Variants in UBE2F observed in about 807,000 individuals in gnomAD.
UBE2F encodes ubiquitin conjugating enzyme E2 F (putative), also known as NEDD8-conjugating enzyme UBE2F.
Under a neutral mutation model 29.6 loss-of-function variants are expected in UBE2F, and 5 were observed. That is an observed-to-expected ratio of 0.17 (90% CI 0.09 to 0.36). The LOEUF is 0.36. Among genes scored for constraint, UBE2F ranks in the 10% least tolerant of loss-of-function variants. The probability of loss-of-function intolerance (pLI) is 1.00; values close to 1 mark genes in which losing one functional copy is unlikely to be tolerated. For synonymous variants in UBE2F, 66 were observed against 81.8 expected (o/e 0.81, Z 1.04); for missense variants, 141 against 228.5 (o/e 0.62, Z 2.47).
intron 5 of UBE2F, among the ~76,000 whole-genome samples, chr2:238,019,891 C>T (rs539406888): frequency 2.0e-5 from 3 of 151,974 alleles, no homozygotes; most frequent in African/African-American, 7.3e-5. Flanking sequence ...AACTCCTGAC[C>T]TCAGGTGATC....
At chr2:237,999,820 C>CTTTTTTT (rs3054481) in intron 4 of UBE2F, among the ~76,000 whole-genome samples, 1 of 119,888 alleles carries the variant, frequency 8.3e-6, no homozygotes. Context: ...TGATGTTGTT[C>CTTTTTTT]TTTTTTTTTT....
chr2:238,012,182 C>T (rs979551916), intron 4 of UBE2F, among the ~76,000 whole-genome samples: 2 of 151,862 alleles, frequency 1.3e-5, no homozygotes, highest in African/African-American at 4.8e-5. Flanking sequence ...CCTTGCCTGT[C>T]GTCATATAAA....
rs573331993 is a variant in UBE2F at position 237,992,240 on chromosome 2, G to A, written c.149-2504G>A. On this transcript the variant is annotated intron_variant, in intron 3 of 9. Transcript: ENST00000272930. The stretch of plus-strand genomic sequence containing the variant: ...CGCATCTGTCTATTAAAACAAAAGA[G>A]AATGCCAGATATTAAAAACAAATAC... Among the ~76,000 whole-genome samples the A allele has an allele frequency of 3.6e-4, 55 of 152,272 alleles. 1 individual carries two copies. Among genetic ancestry groups the A allele is most frequent in the Non-Finnish European group, 3.4e-4 (23 of 68,030 alleles).
chr2:237,969,447 A>G (rs1287578320), intron 1 of UBE2F, among the ~76,000 whole-genome samples: 1 of 151,608 alleles, frequency 6.6e-6, no homozygotes, highest in Non-Finnish European at 1.5e-5. Context: ...TGACTTTCCT[A>G]GGTTACTGCC....
chr2:238,006,522 G>C (rs994700161), intron 4 of UBE2F, among the ~76,000 whole-genome samples: 1 of 152,186 alleles, frequency 6.6e-6, no homozygotes, highest in African/African-American at 2.4e-5. Flanking sequence ...TAGTGACCTT[G>C]TGTCCTACAA....
chr2:237,991,805 G>T (rs1197158946), intron 3 of UBE2F, among the ~76,000 whole-genome samples: 2 of 150,858 alleles, frequency 1.3e-5, no homozygotes, highest in South Asian at 4.2e-4. Context: ...GTTTTGCCAG[G>T]ATTACAGGCG....
At chr2:237,968,202 G>A (rs2063099524) in intron 1 of UBE2F, among the ~76,000 whole-genome samples, 1 of 152,074 alleles carries the variant, frequency 6.6e-6, no homozygotes, top group Non-Finnish European at 1.5e-5. Context: ...AGAGGTGGGA[G>A]AGAGAGAGAG....
rs2064819620 is a variant in UBE2F, at chr2:238,040,681, T to C, written c.508-607T>C. On this transcript the variant is annotated intron_variant, in intron 9 of 9. Coordinates refer to ENST00000272930, the MANE Select transcript of UBE2F (RefSeq NM_080678.3). The surrounding 1 kb of genome is among the most constrained non-coding windows in gnomAD (Gnocchi z 4.4). ...TCCGAGAAGATTGTTCCACCCATAC[T>C]GGCCTGGGGTGATTCCTAGGTCCAC... Among the ~76,000 whole-genome samples the C allele has an allele frequency of 6.6e-6, 1 of 152,146 alleles. No individual in the cohort carries two copies. Among genetic ancestry groups the C allele is most frequent in the Non-Finnish European group, 1.5e-5 (1 of 68,014 alleles).
chr2:237,995,560 A>G (rs1009200441), intron 4 of UBE2F, among the ~76,000 whole-genome samples: 9 of 152,116 alleles, frequency 5.9e-5, no homozygotes, highest in Admixed American at 5.2e-4. Context: ...GTGTTATTTT[A>G]TTTGGGGGAT....
chr2:238,041,077 C>T (rs2064828433), intron 9 of UBE2F, among the ~76,000 whole-genome samples: 1 of 152,266 alleles, frequency 6.6e-6, no homozygotes. Flanking sequence ...GCTCCCCCCT[C>T]AACATACCCA....
At chr2:237,992,956 A>G (rs1382485505) in intron 3 of UBE2F, among the ~76,000 whole-genome samples, 1 of 152,174 alleles carries the variant, frequency 6.6e-6, no homozygotes, top group Admixed American at 6.5e-5. Context: ...AAAATATCAT[A>G]GTAAATTCTG....
intron 8 of UBE2F, among the ~76,000 whole-genome samples, chr2:238,034,605 G>A (rs1016389564): frequency 5.3e-5 from 8 of 152,112 alleles, no homozygotes; most frequent in Admixed American, 5.2e-4. Context: ...AAGAAATTCT[G>A]TGTGTCTGAT....
At chr2:238,038,820 A>G (rs1238228826) in intron 9 of UBE2F, among the ~76,000 whole-genome samples, 2 of 152,196 alleles carry the variant, frequency 1.3e-5, no homozygotes, top group East Asian at 3.8e-4. Context: ...CTCGTTCATC[A>G]CTTATTTGGC....
At chr2:238,032,189 A>G in intron 7 of UBE2F, 33 bp from the exon 8 acceptor site, 2 of 1,602,634 alleles carry the variant, frequency 1.2e-6, no homozygotes, top group Non-Finnish European at 1.7e-6. Context: ...ACTTTGGCTT[A>G]AAACTTGTTT....
chr2:237,971,796 G>A (rs949791105), intron 1 of UBE2F, among the ~76,000 whole-genome samples: 1 of 121,510 alleles, frequency 8.2e-6, no homozygotes, highest in Non-Finnish European at 1.7e-5. Flanking sequence ...GAGTTATAAT[G>A]TGTTAATGTG....
intron 6 of UBE2F, among the ~76,000 whole-genome samples, chr2:238,025,985 A>G (rs2106397851): frequency 6.6e-6 from 1 of 152,276 alleles, no homozygotes; most frequent in Non-Finnish European, 1.5e-5. Flanking sequence ...TTCTCCTCCT[A>G]AGGCTGCTGG....
At chr2:238,015,535 G>T (rs1038948170) in intron 4 of UBE2F, among the ~76,000 whole-genome samples, 12 of 151,980 alleles carry the variant, frequency 7.9e-5, no homozygotes, top group Non-Finnish European at 1.2e-4. Context: ...GGTAATGCCA[G>T]TTTTAACTAC....
intron 9 of UBE2F, among the ~76,000 whole-genome samples, chr2:238,036,403 C>T (rs2064708872): frequency 6.6e-6 from 1 of 151,958 alleles, no homozygotes; most frequent in South Asian, 2.1e-4. Flanking sequence ...TGGTCTTGAA[C>T]GGTTGGCCTC....
At chr2:238,035,731 G>T in intron 8 of UBE2F, 147 bp from the exon 9 acceptor site, 1 of 599,816 alleles carries the variant, frequency 1.7e-6, no homozygotes, top group South Asian at 2.2e-5. Flanking sequence ...GGTATCACAA[G>T]CACTTGAGTT....
Sources: allele counts gnomAD v4.1 joint callset (sites outside exome capture counted in the v4.1 genomes callset), GRCh38; gene constraint gnomAD v4.1.1; non-coding constraint Gnocchi (gnomAD v3.1); transcripts MANE v1.5; gene names NCBI Gene and HGNC (gene_info 2026-07-23, HGNC 2026-07-21).